Variants in BCAT1 observed in about 807,000 individuals in gnomAD.
The protein encoded by BCAT1 is branched-chain-amino-acid aminotransferase, cytosolic.
Under a neutral mutation model 52.4 loss-of-function variants are expected in BCAT1, and 48 were observed. The observed-to-expected ratio is 0.92, with a 90% CI of 0.73 to 1.16. The LOEUF (loss-of-function observed/expected upper bound fraction) is 1.16. Ranked by LOEUF, BCAT1 falls within the 50% of genes most tolerant of loss-of-function variation. The pLI is 0.00. For synonymous variants in BCAT1, 167 were observed against 161.3 expected (o/e 1.04, Z -0.27); for missense variants, 451 against 457.1 (o/e 0.99, Z 0.12).
At position 24,818,022 on chromosome 12, in the gene BCAT1, T is replaced by C. The variant is rs777012293; in HGVS notation, c.1147A>G (p.Ile383Val). The C allele has an allele frequency of 6.8e-6, 11 of 1,613,140 alleles. No homozygotes were observed. The highest frequency in any genetic ancestry group is 6.6e-5 in the South Asian group (6 of 91,064). Residue 383 changes from isoleucine to valine, a missense_variant, in exon 11 of 11, where the codon ATT becomes GTT. Transcript: ENST00000261192. ...CTATTTTCCATTCAGGATAGCACAA[T>C]TGTCCAGTCGCTCTCTTCTCTTCCA... ...QYGREESDWT[I>V]VLS
chr12:24,902,487 C>A (rs1336355785), intron 1 of BCAT1: 5 of 471,378 alleles, frequency 1.1e-5, no homozygotes, highest in African/African-American at 2.1e-5. Flanking sequence ...TGTTTTAATG[C>A]GTAATCTGCT....
chr12:24,878,160 G>A (rs1591831768), intron 5 of BCAT1, among the ~76,000 whole-genome samples: 1 of 150,116 alleles, frequency 6.7e-6, no homozygotes, highest in South Asian at 2.1e-4. Context: ...AAAAAAACCA[G>A]AGAGAGACCT....
intron 1 of BCAT1, among the ~76,000 whole-genome samples, chr12:24,921,668 C>T (rs1943501920): frequency 6.6e-6 from 1 of 152,172 alleles, no homozygotes; most frequent in South Asian, 2.1e-4. Flanking sequence ...ATATTCCCTC[C>T]ACCCCAGAGC....
At chr12:24,901,664 T>G (rs1943106796) in intron 2 of BCAT1, 150 bp downstream of exon 2, 1 of 777,588 alleles carries the variant, frequency 1.3e-6, no homozygotes, top group African/African-American at 1.8e-5. Context: ...AATGGCTTTT[T>G]TTCCTCTAAG....
chr12:24,916,042 C>T (rs796359389), intron 1 of BCAT1, among the ~76,000 whole-genome samples: 16 of 152,140 alleles, frequency 1.1e-4, no homozygotes, highest in African/African-American at 3.9e-4. Flanking sequence ...GCCTGTAATC[C>T]CAGCTACTCG....
chr12:24,879,037 C>CA (rs1441365248), intron 4 of BCAT1, among the ~76,000 whole-genome samples: 1 of 152,112 alleles, frequency 6.6e-6, no homozygotes, highest in East Asian at 1.9e-4. Context: ...CCATACCCCC[C>CA]AATCAATTCT....
At chr12:24,845,787 T>A (rs902891311) in intron 6 of BCAT1, among the ~76,000 whole-genome samples, 65 of 152,346 alleles carry the variant, frequency 4.3e-4, no homozygotes, top group African/African-American at 1.5e-3. Context: ...TGGGGTGTGG[T>A]GGCTCATGCC....
At chr12:24,901,178 T>A (rs1943092747) in intron 2 of BCAT1, among the ~76,000 whole-genome samples, 1 of 152,098 alleles carries the variant, frequency 6.6e-6, no homozygotes, top group South Asian at 2.1e-4. Context: ...GTGAGATCAT[T>A]AGGACACTCT....
rs1939667105 is a variant in BCAT1, at chr12:24,811,196, GT to G, written c.*6811del. 6.6e-6 allele frequency: 1 copy of G among 152,110 alleles called. No individual in the cohort carries two copies. The highest frequency in any genetic ancestry group is 2.1e-4 in the South Asian group (1 of 4,828). The allele number at this position is 152,110 out of a possible 1,614,324, so 9.4% of individuals were successfully genotyped here. ...TATTGAATCTCTATCCAGTGGTGTG[GT>G]TTCTGGTCTTTCTGGTGTGCTCAAT... is the stretch of plus-strand genomic sequence containing the variant. On this transcript the variant is annotated 3_prime_UTR_variant, in exon 11 of 11. Transcript: ENST00000261192.
intron 1 of BCAT1, among the ~76,000 whole-genome samples, chr12:24,925,931 G>A (rs961606379): frequency 1.6e-4 from 25 of 152,164 alleles, no homozygotes; most frequent in Non-Finnish European, 2.6e-4. Context: ...GCGTGATCTC[G>A]GCTCGCTACA....
Position 24,813,233 on chromosome 12 carries a change from T to A in BCAT1, c.*4775A>T, listed in dbSNP as rs1292665834. 6.6e-6 allele frequency: 1 copy of A among 152,058 alleles called. No individual in the cohort carries two copies. The highest frequency in any genetic ancestry group is 1.5e-5 in the Non-Finnish European group (1 of 67,920). The allele number at this position is 152,058 out of a possible 1,614,324, so 9.4% of individuals were successfully genotyped here. ...CTCCCCAAATTAAACATCTGACAAG[T>A]CTTTTATATATGTATGCTGAAGAGA... is the stretch of plus-strand genomic sequence containing the variant. On this transcript the variant is annotated 3_prime_UTR_variant, in exon 11 of 11. Coordinates refer to ENST00000261192, the MANE Select transcript of BCAT1 (RefSeq NM_005504.7).
chr12:24,890,775 C>T (rs552553393), intron 3 of BCAT1, among the ~76,000 whole-genome samples: 1 of 152,312 alleles, frequency 6.6e-6, no homozygotes, highest in South Asian at 2.1e-4. Context: ...ACCAGCAGCC[C>T]TCGGAGCTCC....
At chr12:24,832,321 C>T (rs1312684652) in intron 9 of BCAT1, among the ~76,000 whole-genome samples, 2 of 152,194 alleles carry the variant, frequency 1.3e-5, no homozygotes, top group Non-Finnish European at 2.9e-5. Context: ...TCACTGGAAA[C>T]ATAGTAGATA....
chr12:24,836,076 T>C (rs1434086035), intron 8 of BCAT1, among the ~76,000 whole-genome samples: 4 of 152,240 alleles, frequency 2.6e-5, no homozygotes, highest in African/African-American at 9.6e-5. Context: ...AACATTTATA[T>C]GTCAGTGAAA....
At chr12:24,912,281 G>T (rs552312634) in intron 1 of BCAT1, among the ~76,000 whole-genome samples, 1 of 152,112 alleles carries the variant, frequency 6.6e-6, no homozygotes, top group Non-Finnish European at 1.5e-5. Context: ...TTGGGAGGCC[G>T]AGGCGGGCGG....
chr12:24,812,040 T>C lies in BCAT1; in HGVS notation c.*5968A>G, dbSNP rs1379902337. ...CTTGTTAAGTCACCCCAGGAAACATTTGCAGAATTTAGAAATGCATCCAGA... is the reference window on the plus strand; with the variant it reads ...CTTGTTAAGTCACCCCAGGAAACATCTGCAGAATTTAGAAATGCATCCAGA... On this transcript the variant is annotated 3_prime_UTR_variant, in exon 11 of 11. Transcript: ENST00000261192. 6.6e-6 allele frequency: 1 copy of C among 152,132 alleles called. No individual in the cohort carries two copies. Among genetic ancestry groups the C allele is most frequent in the Admixed American group, 6.5e-5 (1 of 15,268 alleles). The allele number at this position is 152,132 out of a possible 1,614,324, so 9.4% of individuals were successfully genotyped here. A position where few individuals can be genotyped will look rare whatever the true frequency, so the allele number is the denominator to read the frequency against.
intron 1 of BCAT1, among the ~76,000 whole-genome samples, chr12:24,920,321 C>G (rs1305110418): frequency 6.6e-6 from 1 of 152,210 alleles, no homozygotes; most frequent in Non-Finnish European, 1.5e-5. Context: ...AACTCCACCT[C>G]TCTGCAAACC....
chr12:24,894,522 TC>T, intron 2 of BCAT1, 47 bp from the exon 3 acceptor site: 2 of 1,475,006 alleles, frequency 1.4e-6, no homozygotes, highest in Non-Finnish European at 1.8e-6. Context: ...TACTGAGCAT[TC>T]GCTGGCTAGA....
At chr12:24,842,714 G>A (rs1028643339) in intron 6 of BCAT1, among the ~76,000 whole-genome samples, 3 of 152,094 alleles carry the variant, frequency 2.0e-5, no homozygotes, top group South Asian at 2.1e-4. Context: ...ACCTTTTAAT[G>A]TATCCAAGGA....
Sources: gnomAD v4.1 joint callset for allele counts (sites outside exome capture counted in the v4.1 genomes callset) on GRCh38, gnomAD v4.1.1 for gene constraint, MANE v1.5 for transcripts, NCBI Gene and HGNC (gene_info 2026-07-23, HGNC 2026-07-21) for gene names.